Variants in PRKCE observed in about 807,000 individuals in gnomAD.
PRKCE encodes the protein protein kinase C epsilon type.
PRKCE carries 16 observed loss-of-function variants against 85.4 expected under a neutral mutation model. The ratio of observed to expected loss-of-function variants is 0.19; its 90% CI spans 0.13 to 0.28. PRKCE has a LOEUF of 0.28. PRKCE is among the 10% of genes least tolerant of loss of function. The pLI is 1.00. For synonymous variants in PRKCE, 388 were observed against 371.5 expected, an observed-to-expected ratio of 1.04 and a Z score of -0.51; for missense variants, 573 against 975.2, an observed-to-expected ratio of 0.59 and a Z score of 5.49.
At chr2:45,889,825 C>T (rs2105868589) in intron 2 of PRKCE, among the ~76,000 whole-genome samples, 1 of 152,344 alleles carries the variant, frequency 6.6e-6, no homozygotes, top group South Asian at 2.1e-4. Flanking sequence ...AAAGGTCACG[C>T]ACTCCTCCTC....
chr2:45,654,098 C>T (rs554425825), intron 1 of PRKCE, among the ~76,000 whole-genome samples: 3 of 152,154 alleles, frequency 2.0e-5, no homozygotes, highest in East Asian at 1.9e-4. Context: ...AAAAACTTGA[C>T]GCTGGTAGCT....
intron 1 of PRKCE, among the ~76,000 whole-genome samples, chr2:45,727,468 G>C (rs914402636): frequency 1.3e-5 from 2 of 152,160 alleles, no homozygotes; most frequent in Non-Finnish European, 2.9e-5. Flanking sequence ...ATAAGGATAA[G>C]AGGATTTGGA....
chr2:45,950,620 C>T (rs892004293), intron 2 of PRKCE, among the ~76,000 whole-genome samples: 8 of 152,104 alleles, frequency 5.3e-5, no homozygotes, highest in African/African-American at 9.7e-5. Flanking sequence ...TTACAAGATG[C>T]CTGGTTTGAT....
chr2:46,025,328 G>A (rs544239820), intron 10 of PRKCE, among the ~76,000 whole-genome samples: 1 of 152,178 alleles, frequency 6.6e-6, no homozygotes. Context: ...GGGACGAAGT[G>A]TTCTGCTTCA....
intron 11 of PRKCE, among the ~76,000 whole-genome samples, chr2:46,132,423 C>T (rs1386123727): frequency 6.6e-6 from 1 of 152,210 alleles, no homozygotes; most frequent in Non-Finnish European, 1.5e-5. Flanking sequence ...TGCTATCCTC[C>T]TGCCTCCCTC....
intron 1 of PRKCE, among the ~76,000 whole-genome samples, chr2:45,674,073 T>G (rs1342835687): frequency 6.6e-6 from 1 of 152,172 alleles, no homozygotes; most frequent in Non-Finnish European, 1.5e-5. Flanking sequence ...TTCATTTCCT[T>G]GTGTTTATTG....
chr2:45,744,325 A>G (rs185776434), intron 1 of PRKCE, among the ~76,000 whole-genome samples: 1 of 152,120 alleles, frequency 6.6e-6, no homozygotes, highest in South Asian at 2.1e-4. Context: ...AGAGAAGGCA[A>G]TGTTTTTCTC....
chr2:46,127,212 T>C (rs569338032), intron 11 of PRKCE, among the ~76,000 whole-genome samples: 11 of 152,350 alleles, frequency 7.2e-5, no homozygotes, highest in African/African-American at 2.6e-4. Flanking sequence ...CAATTTATCA[T>C]TGATATTTTC....
chr2:45,733,699 T>G (rs1295334326), intron 1 of PRKCE, among the ~76,000 whole-genome samples: 1 of 152,140 alleles, frequency 6.6e-6, no homozygotes, highest in African/African-American at 2.4e-5. Context: ...CCGTCTCCAC[T>G]ATCAGCTTTC....
At chr2:45,729,821 G>A (rs1185048143) in intron 1 of PRKCE, among the ~76,000 whole-genome samples, 1 of 152,180 alleles carries the variant, frequency 6.6e-6, no homozygotes, top group Non-Finnish European at 1.5e-5. Flanking sequence ...GGAAGAACTA[G>A]TACGTCCACC....
At chr2:45,971,907 C>T (rs558540071) in intron 2 of PRKCE, among the ~76,000 whole-genome samples, 13 of 152,240 alleles carry the variant, frequency 8.5e-5, no homozygotes, top group South Asian at 2.1e-4. Flanking sequence ...TTGTGAATGA[C>T]GCTGCAGTGA....
At chr2:46,071,042 C>T (rs1348378489) in intron 10 of PRKCE, among the ~76,000 whole-genome samples, 1 of 152,192 alleles carries the variant, frequency 6.6e-6, no homozygotes, top group African/African-American at 2.4e-5. Context: ...AGCTAGGTCT[C>T]ATCACTGTTC....
rs1220570955 is a variant in PRKCE at position 46,159,976 on chromosome 2, C to T, written c.2067+224C>T. The T allele has an allele frequency of 1.2e-5, 6 of 502,202 alleles. No homozygotes were observed. The highest frequency in any genetic ancestry group is 5.0e-4 in the Middle Eastern group (1 of 2,000). 31.1% of individuals were successfully genotyped at this position (502,202 alleles called of 1,614,324 possible). On this transcript the variant is annotated intron_variant, in intron 14 of 14. Transcript: ENST00000306156. This position sits in a 1 kb window ranked among gnomAD's most constrained non-coding sequence, Gnocchi z 4.1. ...CAGCAGCACCCAAGATGATGATTTA[C>T]GTGGGCCACAGAACACCTTTTGTCT... is the stretch of plus-strand genomic sequence containing the variant.
chr2:45,940,132 A>G (rs896057572), intron 2 of PRKCE, among the ~76,000 whole-genome samples: 5 of 152,122 alleles, frequency 3.3e-5, no homozygotes, highest in African/African-American at 1.2e-4. Context: ...CAGCAATGCA[A>G]ATTGGAAGCT....
At chr2:45,958,812 ATATATTTTTTTTTTTTTTTTTTTTTTTTT>A (rs1701176359) in intron 2 of PRKCE, among the ~76,000 whole-genome samples, 1 of 26,806 alleles carries the variant, frequency 3.7e-5, no homozygotes, top group South Asian at 2.0e-3. Context: ...ATATATATAT[ATATATTTTTTTTTTTTTTTTTTTTTTTTT>A]TTTTTTTTTT....
At chr2:45,677,950 T>A (rs564081097) in intron 1 of PRKCE, 72 of 909,264 alleles carry the variant, frequency 7.9e-5, no homozygotes, top group Middle Eastern at 1.1e-3. Context: ...CCTGCCCTTT[T>A]GTCTGCCACT....
intron 10 of PRKCE, among the ~76,000 whole-genome samples, chr2:46,061,888 C>T (rs1316011008): frequency 7.8e-5 from 9 of 115,432 alleles, no homozygotes; most frequent in Non-Finnish European, 1.2e-4. Flanking sequence ...GCAACAGTCT[C>T]GTTCTGTCGC....
intron 1 of PRKCE, among the ~76,000 whole-genome samples, chr2:45,835,074 A>G (rs6709192): frequency 0.61 from 93,152 of 152,102 alleles, 29,473 homozygotes; most frequent in African/African-American, 0.77. Flanking sequence ...GTGAATGTGC[A>G]CGCCTACACA....
chr2:46,072,039 C>A lies in PRKCE; in HGVS notation c.1438-14169C>A, dbSNP rs533863183. Among the ~76,000 whole-genome samples the A allele has an allele frequency of 6.6e-5, 10 of 152,308 alleles. No individual in the cohort carries two copies. The South Asian group carries it at 2.1e-3, about 32-fold the overall frequency. On this transcript the variant is annotated intron_variant, in intron 10 of 14. Coordinates refer to ENST00000306156, the MANE Select transcript of PRKCE (RefSeq NM_005400.3). ...TTCAACAATTCTTCACAGAAGACCC[C>A]GCGCTATTATAGCAAATATTTATAA...
Sources: gnomAD v4.1 joint callset for allele counts (sites outside exome capture counted in the v4.1 genomes callset) on GRCh38, gnomAD v4.1.1 for gene constraint, Gnocchi (gnomAD v3.1) non-coding constraint, MANE v1.5 for transcripts, NCBI Gene and HGNC (gene_info 2026-07-23, HGNC 2026-07-21) for gene names.